The following ANK2 variants were observed in gnomAD, a reference collection of about 807,000 sequenced individuals.
ANK2 encodes ankyrin 2, also known as ankyrin-2.
ANK2 carries 83 observed loss-of-function variants against 360.5 expected under a neutral mutation model. That is an observed-to-expected ratio of 0.23 (90% CI 0.19 to 0.28). The LOEUF (loss-of-function observed/expected upper bound fraction) is 0.28, where lower values mean the gene tolerates loss of function less well. ANK2 is among the 10% of genes least tolerant of loss of function. The pLI is 1.00. For synonymous variants in ANK2, 1,740 were observed against 1,759.5 expected (o/e 0.99, Z 0.28); for missense variants, 4,201 against 4,795.7 (o/e 0.88, Z 3.66).
chr4:113,139,803 T>C (rs2096573030), intron 1 of ANK2, among the ~76,000 whole-genome samples: 1 of 152,184 alleles, frequency 6.6e-6, no homozygotes, highest in Admixed American at 6.5e-5. Flanking sequence ...TGTTGTCCTT[T>C]ATGTACCAGA....
chr4:112,969,021 T>C (rs2038427430), intron 2 of ANK2, among the ~76,000 whole-genome samples: 2 of 152,222 alleles, frequency 1.3e-5, no homozygotes, highest in Non-Finnish European at 2.9e-5. Context: ...CCAGTAACTA[T>C]GCTGAGGGCC....
chr4:112,810,628 C>T, the ANK2 span, among the ~76,000 whole-genome samples: 64,603 of 151,474 alleles, frequency 0.43, 14,648 homozygotes, highest in African/African-American at 0.59. Flanking sequence ...CTCAGCTCAC[C>T]GCAACCTCTG....
chr4:113,079,893 G>A (rs1031859540), intron 1 of ANK2, among the ~76,000 whole-genome samples: 5 of 115,352 alleles, frequency 4.3e-5, no homozygotes, highest in Non-Finnish European at 7.1e-5. Flanking sequence ...TTATCACCCT[G>A]AGAATTTTTT....
chr4:113,083,782 A>T (rs527716897), intron 1 of ANK2, among the ~76,000 whole-genome samples: 1 of 152,202 alleles, frequency 6.6e-6, no homozygotes, highest in African/African-American at 2.4e-5. Flanking sequence ...ATTTTATTTT[A>T]TATATCTGGT....
rs755466620 is a variant in ANK2 at position 113,354,466 on chromosome 4, C to T, written c.5848C>T (p.Pro1950Ser). Residue 1950 changes from proline (P) to serine (S), a missense_variant, in exon 38 of 46, where the codon CCT becomes TCT. Transcript: ENST00000357077. ...SPSGRTDKHQ[P>S]VSTAGKTEKH... is the part of the protein sequence containing the mutation. ...CTCCGGAAGAACGGACAAGCACCAA[C>T]CTGTATCAACAGCTGGGAAAACTGA... 1.2e-6 allele frequency: 2 copies of T among 1,614,114 alleles called. No individual in the cohort carries two copies. The highest frequency in any genetic ancestry group is 1.1e-5 in the South Asian group (1 of 91,084).
chr4:113,102,259 A>G (rs2092975657), intron 1 of ANK2, among the ~76,000 whole-genome samples: 1 of 152,112 alleles, frequency 6.6e-6, no homozygotes, highest in Non-Finnish European at 1.5e-5. Flanking sequence ...TATAAGACTC[A>G]GGGATAGATT....
chr4:113,223,269 C>T (rs897189362), intron 4 of ANK2, among the ~76,000 whole-genome samples: 3 of 152,136 alleles, frequency 2.0e-5, no homozygotes, highest in Non-Finnish European at 4.4e-5. Flanking sequence ...CCTAGCATGT[C>T]GTGGTTAAGG....
the ANK2 span, among the ~76,000 whole-genome samples, chr4:112,725,467 T>C: frequency 3.4e-5 from 5 of 147,352 alleles, no homozygotes; most frequent in Non-Finnish European, 6.0e-5. Flanking sequence ...TTCACGCGAT[T>C]CTCCTGCCTC....
chr4:113,310,122 A>G lies in ANK2; in HGVS notation c.2549-1133A>G, dbSNP rs529932205. Among the ~76,000 whole-genome samples, 306 of 152,306 alleles carry G rather than the reference A, an allele frequency of 2.0e-3. 1 individual carries two copies. Among genetic ancestry groups the G allele is most frequent in the Non-Finnish European group, 3.6e-3 (243 of 68,030 alleles). On this transcript the variant is annotated intron_variant, in intron 23 of 45. Coordinates refer to ENST00000357077, the MANE Select transcript of ANK2 (RefSeq NM_001148.6). ...AAGGTGTAACAAGAGGGAAAGATAA[A>G]TGGGAGAAATAAGAAAATTTGAAAT...
the ANK2 span, among the ~76,000 whole-genome samples, chr4:112,773,121 C>A: frequency 2.6e-5 from 4 of 152,074 alleles, no homozygotes. Context: ...GGTTCAAGAC[C>A]AGCCTGGGCA....
intron 1 of ANK2, among the ~76,000 whole-genome samples, chr4:112,854,129 T>G (rs767791425): frequency 8.5e-5 from 13 of 152,172 alleles, no homozygotes; most frequent in Non-Finnish European, 1.9e-4. Context: ...AAGTGGGCAC[T>G]TCTATAGAGA....
chr4:113,269,543 C>A (rs2057685764), intron 14 of ANK2, among the ~76,000 whole-genome samples: 1 of 152,236 alleles, frequency 6.6e-6, no homozygotes, highest in African/African-American at 2.4e-5. Flanking sequence ...TCCCTGACCC[C>A]TTGTGCTTTC....
At chr4:112,787,587 A>G in the ANK2 span, among the ~76,000 whole-genome samples, 1 of 152,206 alleles carries the variant, frequency 6.6e-6, no homozygotes, top group Non-Finnish European at 1.5e-5. Context: ...CCATTGCCCC[A>G]GTAGGAAAAG....
intron 22 of ANK2, among the ~76,000 whole-genome samples, chr4:113,300,682 AAAG>A (rs1472128003): frequency 6.6e-6 from 1 of 152,202 alleles, no homozygotes; most frequent in Non-Finnish European, 1.5e-5. Flanking sequence ...AGAAGAGGGG[AAAG>A]AAGATTTCTG....
intron 2 of ANK2, among the ~76,000 whole-genome samples, chr4:112,913,854 A>C (rs1176208247): frequency 6.6e-6 from 1 of 152,222 alleles, no homozygotes; most frequent in Non-Finnish European, 1.5e-5. Context: ...ATTTAGATAA[A>C]TACAGCATTT....
chr4:112,811,166 T>C, the ANK2 span, among the ~76,000 whole-genome samples: 5 of 151,494 alleles, frequency 3.3e-5, no homozygotes, highest in Admixed American at 6.6e-5. Context: ...CTAGATTTCC[T>C]GACCTCGTAA....
intron 1 of ANK2, among the ~76,000 whole-genome samples, chr4:112,894,643 C>T (rs1252324477): frequency 6.6e-6 from 1 of 152,114 alleles, no homozygotes; most frequent in Non-Finnish European, 1.5e-5. Flanking sequence ...TGCAAATACT[C>T]GAAGATCCAT....
chr4:112,983,916 A>G (rs1336873268), intron 2 of ANK2, among the ~76,000 whole-genome samples: 1 of 152,168 alleles, frequency 6.6e-6, no homozygotes, highest in African/African-American at 2.4e-5. Context: ...CAGCAACTCA[A>G]TATTTTACTG....
In ANK2 at chr4:112,848,251, C is replaced by G. The variant is rs111858656; in HGVS notation, c.-40+29987C>G. ...GCGATTCACCTGTAGCTTCCACCTCCTGGGTTCAAGCGATTCTCCTGCCTC... is the reference window on the plus strand; with the variant it reads ...GCGATTCACCTGTAGCTTCCACCTCGTGGGTTCAAGCGATTCTCCTGCCTC... On this transcript the variant is annotated intron_variant, in intron 1 of 30. Transcript: ENST00000503271. Among the ~76,000 whole-genome samples, 1,011 of 152,252 alleles carry G rather than the reference C, an allele frequency of 6.6e-3. 10 individuals are homozygous for G. The highest frequency in any genetic ancestry group is 0.023 in the African/African-American group (945 of 41,524).
Sources: gnomAD v4.1 joint callset for allele counts (sites outside exome capture counted in the v4.1 genomes callset) on GRCh38, gnomAD v4.1.1 for gene constraint, MANE v1.5 for transcripts, NCBI Gene and HGNC (gene_info 2026-07-23, HGNC 2026-07-21) for gene names.